DLG2: variants seen among roughly 807,000 people sequenced by gnomAD.
DLG2 encodes disks large homolog 2.
Under a neutral mutation model 132.5 loss-of-function variants are expected in DLG2, and 45 were observed. That is an observed-to-expected ratio of 0.34 (90% CI 0.27 to 0.44). DLG2 has a LOEUF of 0.44. DLG2 is among the 20% of genes least tolerant of loss of function. The probability of loss-of-function intolerance (pLI) is 1.00; values close to 1 mark genes in which losing one functional copy is unlikely to be tolerated. For synonymous variants in DLG2, 424 were observed against 419.6 expected, an observed-to-expected ratio of 1.01 and a Z score of -0.13; for missense variants, 1,045 against 1,196.9, an observed-to-expected ratio of 0.87 and a Z score of 1.87.
chr11:84,466,939 A>T lies in DLG2; in HGVS notation c.519+67631T>A, dbSNP rs140449124. On this transcript the variant is annotated intron_variant, in intron 7 of 27. Transcript: ENST00000376104. The stretch of plus-strand genomic sequence containing the variant: ...TATAAAAGCAAGAAATTTTAAGGGA[A>T]CATTATGCAATATTAGATTTGAATT... Among the ~76,000 whole-genome samples, 23 of 151,528 alleles carry T rather than the reference A, an allele frequency of 1.5e-4. No homozygotes were observed. The East Asian group carries it at 4.5e-3, about 30-fold the overall frequency.
chr11:84,631,014 TCTCTCACACACACACA>T (rs1324061405), intron 6 of DLG2, among the ~76,000 whole-genome samples: 29 of 128,332 alleles, frequency 2.3e-4, no homozygotes, highest in South Asian at 8.3e-4. Context: ...TCTCTCTCTC[TCTCTCACACACACACA>T]CACACACACA....
chr11:84,304,964 A>G (rs1031034077), intron 7 of DLG2, among the ~76,000 whole-genome samples: 5 of 152,188 alleles, frequency 3.3e-5, no homozygotes, highest in Non-Finnish European at 7.3e-5. Context: ...TCCTTTTTTC[A>G]TCTGAAATAA....
At chr11:84,560,124 C>T (rs548354533) in intron 6 of DLG2, among the ~76,000 whole-genome samples, 89 of 152,178 alleles carry the variant, frequency 5.8e-4, no homozygotes, top group African/African-American at 2.0e-3. Context: ...ATACTAGCTA[C>T]AGGACTGTAT....
chr11:84,605,597 A>AG (rs1593532592), intron 6 of DLG2, among the ~76,000 whole-genome samples: 1 of 151,854 alleles, frequency 6.6e-6, no homozygotes, highest in East Asian at 1.9e-4. Context: ...TCTGCAAAAA[A>AG]AAAAAAAAAA....
At position 84,499,229 on chromosome 11, in the gene DLG2, A is replaced by G. The variant is rs486026; in HGVS notation, c.519+35341T>C. Among the ~76,000 whole-genome samples the G allele has an allele frequency of 5.9e-3, 892 of 152,306 alleles. 4 individuals carry two copies. The highest frequency in any genetic ancestry group is 9.9e-3 in the South Asian group (48 of 4,832). ...TGAAACTCACTTTTCTCCTCTATAA[A>G]ACTGAATTGTAATGTCTGCTTCATA... On this transcript the variant is annotated intron_variant, in intron 7 of 27. Coordinates refer to ENST00000376104, the MANE Select transcript of DLG2 (RefSeq NM_001142699.3).
intron 18 of DLG2, among the ~76,000 whole-genome samples, chr11:83,666,237 C>T (rs994188070): frequency 4.6e-5 from 7 of 152,058 alleles, no homozygotes; most frequent in Admixed American, 4.6e-4. Context: ...ATTTGTTGTT[C>T]TTATCCCTTG....
chr11:84,043,665 T>A (rs2096160706), intron 11 of DLG2, among the ~76,000 whole-genome samples: 1 of 151,814 alleles, frequency 6.6e-6, no homozygotes, highest in South Asian at 2.1e-4. Flanking sequence ...TAGCTCCTGT[T>A]TGGTATAGCT....
At chr11:84,935,215 G>A (rs1342566604) in intron 6 of DLG2, among the ~76,000 whole-genome samples, 2 of 152,114 alleles carry the variant, frequency 1.3e-5, no homozygotes, top group East Asian at 3.9e-4. Flanking sequence ...ATTCTTGAGT[G>A]GTTATTGCAG....
At chr11:85,484,696 G>C (rs1253023771) in intron 3 of DLG2, among the ~76,000 whole-genome samples, 1 of 151,618 alleles carries the variant, frequency 6.6e-6, no homozygotes, top group African/African-American at 2.4e-5. Flanking sequence ...AAAAAGTCAG[G>C]AAACAATAGG....
At chr11:84,663,115 C>T (rs1010097884) in intron 6 of DLG2, among the ~76,000 whole-genome samples, 1 of 152,026 alleles carries the variant, frequency 6.6e-6, no homozygotes, top group Non-Finnish European at 1.5e-5. Context: ...ACCTTCTTCA[C>T]CATTTTGAAG....
intron 4 of DLG2, among the ~76,000 whole-genome samples, chr11:85,251,178 G>A (rs1248436233): frequency 6.6e-6 from 1 of 152,192 alleles, no homozygotes; most frequent in African/African-American, 2.4e-5. Context: ...CCTGGAGCAG[G>A]AAGTGTGTGG....
chr11:85,020,179 A>T (rs2059920467), intron 6 of DLG2, among the ~76,000 whole-genome samples: 1 of 152,102 alleles, frequency 6.6e-6, no homozygotes, highest in South Asian at 2.1e-4. Flanking sequence ...GTGAGATGGG[A>T]TCTCATTGTG....
At chr11:83,964,811 C>T (rs983869271) in intron 13 of DLG2, among the ~76,000 whole-genome samples, 6 of 151,918 alleles carry the variant, frequency 3.9e-5, no homozygotes, top group Non-Finnish European at 7.4e-5. Flanking sequence ...ATAATTTTCT[C>T]CAGCTTACTT....
chr11:84,269,522 T>C (rs2154363082), intron 7 of DLG2, among the ~76,000 whole-genome samples: 1 of 152,326 alleles, frequency 6.6e-6, no homozygotes, highest in South Asian at 2.1e-4. Context: ...TAGGATACTC[T>C]ACATTTTGCA....
intron 3 of DLG2, among the ~76,000 whole-genome samples, chr11:85,513,864 A>T (rs926964203): frequency 1.3e-5 from 2 of 151,996 alleles, no homozygotes; most frequent in Non-Finnish European, 2.9e-5. Context: ...AAATCCCCCA[A>T]ATCTGATTAG....
chr11:85,002,816 A>T (rs919784491), intron 6 of DLG2, among the ~76,000 whole-genome samples: 1 of 151,934 alleles, frequency 6.6e-6, no homozygotes. Flanking sequence ...CCTCTGAGAT[A>T]GCAAGACCGA....
chr11:85,321,726 T>C (rs2081082155), intron 3 of DLG2, among the ~76,000 whole-genome samples: 1 of 152,074 alleles, frequency 6.6e-6, no homozygotes, highest in Non-Finnish European at 1.5e-5. Flanking sequence ...AAGGATCAAC[T>C]GTGACAAAAG....
intron 6 of DLG2, among the ~76,000 whole-genome samples, chr11:85,075,587 G>A (rs946070008): frequency 1.3e-5 from 2 of 151,746 alleles, no homozygotes; most frequent in African/African-American, 4.8e-5. Context: ...ATTTAAATAA[G>A]TTACTCTATC....
At chr11:84,267,621 T>C (rs1014672859) in intron 7 of DLG2, among the ~76,000 whole-genome samples, 1 of 152,218 alleles carries the variant, frequency 6.6e-6, no homozygotes, top group African/African-American at 2.4e-5. Context: ...GGCCGTCTGA[T>C]AAACTGGAAC....
Sources: allele counts gnomAD v4.1 joint callset (sites outside exome capture counted in the v4.1 genomes callset), GRCh38; gene constraint gnomAD v4.1.1; transcripts MANE v1.5; gene names NCBI Gene and HGNC (gene_info 2026-07-23, HGNC 2026-07-21).